The following GRIK3 variants were observed in gnomAD, a reference collection of about 807,000 sequenced individuals.
GRIK3 encodes glutamate receptor ionotropic, kainate 3.
A neutral mutation model predicts 102.5 loss-of-function variants in GRIK3; 29 were observed. The ratio of observed to expected loss-of-function variants is 0.28; its 90% CI spans 0.21 to 0.39. The LOEUF (loss-of-function observed/expected upper bound fraction) is 0.39. GRIK3 is among the 10% of genes least tolerant of loss of function. The pLI, the probability that GRIK3 is intolerant of heterozygous loss-of-function variation, is 1.00. For synonymous variants in GRIK3, 511 were observed against 504.9 expected, an observed-to-expected ratio of 1.01 and a Z score of -0.16; for missense variants, 908 against 1,252.4, an observed-to-expected ratio of 0.73 and a Z score of 4.15.
At chr1:37,015,127 T>A (rs902777176) in intron 1 of GRIK3, among the ~76,000 whole-genome samples, 3 of 152,120 alleles carry the variant, frequency 2.0e-5, no homozygotes, top group Non-Finnish European at 4.4e-5. Context: ...TCTGCCCAGA[T>A]TCTATCTGGT....
chr1:36,835,175 C>A (rs55647708), intron 10 of GRIK3, among the ~76,000 whole-genome samples: 18,706 of 152,240 alleles, frequency 0.12, 1,249 homozygotes, highest in Non-Finnish European at 0.15. Flanking sequence ...GGCTCAGACC[C>A]CTCTCAGGCA....
At position 36,801,808 on chromosome 1, in the gene GRIK3, C is replaced by T. The variant is rs78765890; in HGVS notation, c.*43G>A. 1,001 of 1,512,678 alleles carry T rather than the reference C, an allele frequency of 6.6e-4. 8 individuals carry two copies. The African/African-American group carries it at 0.012, about 18-fold the overall frequency. The allele number at this position is 1,512,678 out of a possible 1,614,324, so 93.7% of individuals were successfully genotyped here. Reference sequence around the variant, plus strand: ...GTTCCTTCCAATCTCCTTTGCTTTCCTCTGCCCAGCCCCCAGGCCTGAGGT... The same window carrying T: ...GTTCCTTCCAATCTCCTTTGCTTTCTTCTGCCCAGCCCCCAGGCCTGAGGT... On this transcript the variant is annotated 3_prime_UTR_variant, in exon 16 of 16. Transcript: ENST00000373091.
chr1:36,955,828 CACA>C (rs1052639621), intron 1 of GRIK3, among the ~76,000 whole-genome samples: 3 of 152,274 alleles, frequency 2.0e-5, no homozygotes, highest in Non-Finnish European at 2.9e-5. Flanking sequence ...CTTTCTGACT[CACA>C]ACCTCATCCC....
At chr1:36,827,091 G>T (rs1331063995) in intron 10 of GRIK3, among the ~76,000 whole-genome samples, 3 of 152,004 alleles carry the variant, frequency 2.0e-5, no homozygotes, top group Non-Finnish European at 4.4e-5. Flanking sequence ...ACCCTCCCTC[G>T]CAGCCTCCAT....
At chr1:36,851,173 A>C (rs143925185) in intron 8 of GRIK3, among the ~76,000 whole-genome samples, 1 of 151,224 alleles carries the variant, frequency 6.6e-6, no homozygotes, top group East Asian at 1.9e-4. Context: ...CAGGACACTT[A>C]ATCAATTAAA....
chr1:36,805,963 A>G (rs1380993778), intron 14 of GRIK3, 141 bp downstream of exon 14: 16 of 519,646 alleles, frequency 3.1e-5, no homozygotes, highest in Non-Finnish European at 5.0e-5. Context: ...AAAAAAAAAG[A>G]AAAGAACAGA....
At chr1:36,906,832 C>T (rs1641289675) in intron 1 of GRIK3, among the ~76,000 whole-genome samples, 1 of 152,188 alleles carries the variant, frequency 6.6e-6, no homozygotes, top group Non-Finnish European at 1.5e-5. Context: ...TAGTGTTTGA[C>T]AGATCAGTGG....
intron 10 of GRIK3, among the ~76,000 whole-genome samples, chr1:36,832,812 C>G (rs923170688): frequency 2.0e-5 from 3 of 152,160 alleles, no homozygotes; most frequent in African/African-American, 7.2e-5. Context: ...CAGTCAAGTT[C>G]TCTCCCCACA....
chr1:36,935,590 T>A (rs956439340), intron 1 of GRIK3, among the ~76,000 whole-genome samples: 2 of 150,000 alleles, frequency 1.3e-5, no homozygotes, highest in African/African-American at 4.9e-5. Flanking sequence ...AAGATGAGAA[T>A]GACTGACACA....
intron 5 of GRIK3, among the ~76,000 whole-genome samples, chr1:36,865,152 T>C (rs2124245988): frequency 6.6e-6 from 1 of 152,338 alleles, no homozygotes; most frequent in Non-Finnish European, 1.5e-5. Flanking sequence ...TTAATTGTGA[T>C]TGCTTATCTA....
At chr1:36,805,364 T>C (rs555568933) in intron 14 of GRIK3, 127 bp from the exon 15 acceptor site, 1 of 839,838 alleles carries the variant, frequency 1.2e-6, no homozygotes, top group African/African-American at 1.7e-5. Flanking sequence ...GGGGTCCCTA[T>C]CCCTGTGAGT....
intron 9 of GRIK3, among the ~76,000 whole-genome samples, chr1:36,843,932 G>A (rs759206426): frequency 3.9e-5 from 6 of 152,204 alleles, no homozygotes; most frequent in South Asian, 2.1e-4. Context: ...CTCAACTGGC[G>A]GGGCCATTCC....
chr1:36,936,812 A>AT (rs3059460), intron 1 of GRIK3, among the ~76,000 whole-genome samples: 96,338 of 149,514 alleles, frequency 0.64, 31,880 homozygotes, highest in East Asian at 0.83. Flanking sequence ...CTTTAACCTC[A>AT]TTTTTTTTTT....
chr1:36,890,354 C>T (rs1247117100), intron 2 of GRIK3, among the ~76,000 whole-genome samples: 1 of 152,006 alleles, frequency 6.6e-6, no homozygotes, highest in African/African-American at 2.4e-5. Flanking sequence ...GTCCCAGCTA[C>T]TCAGGAGGCG....
intron 2 of GRIK3, among the ~76,000 whole-genome samples, chr1:36,885,072 T>C (rs533778620): frequency 2.0e-5 from 3 of 152,352 alleles, no homozygotes; most frequent in East Asian, 3.9e-4. Context: ...AAGACCATAT[T>C]GTGAGGCTGC....
intron 1 of GRIK3, among the ~76,000 whole-genome samples, chr1:36,919,359 A>ATTTTC (rs1345556487): frequency 6.7e-6 from 1 of 150,356 alleles, no homozygotes; most frequent in Non-Finnish European, 1.5e-5. Flanking sequence ...ATTTTATTTT[A>ATTTTC]TTTTATTTTA....
intron 1 of GRIK3, among the ~76,000 whole-genome samples, chr1:37,021,502 G>T (rs371797848): frequency 6.6e-6 from 1 of 152,092 alleles, no homozygotes; most frequent in East Asian, 1.9e-4. Context: ...CAATTTCTTT[G>T]CTCAACTCTC....
chr1:36,805,971 AG>A, intron 14 of GRIK3, 132 bp downstream of exon 14: 1 of 510,998 alleles, frequency 2.0e-6, no homozygotes, highest in Non-Finnish European at 3.4e-6. Flanking sequence ...AGAAAAGAAC[AG>A]AAAAAAAAGA....
chr1:36,942,782 T>C (rs1223958692), intron 1 of GRIK3, among the ~76,000 whole-genome samples: 1 of 152,016 alleles, frequency 6.6e-6, no homozygotes, highest in African/African-American at 2.4e-5. Flanking sequence ...GCCCCCATGG[T>C]TCCACCTCCC....
Sources: gnomAD v4.1 joint callset for allele counts (sites outside exome capture counted in the v4.1 genomes callset) on GRCh38, gnomAD v4.1.1 for gene constraint, MANE v1.5 for transcripts, NCBI Gene and HGNC (gene_info 2026-07-23, HGNC 2026-07-21) for gene names.